Variants in DPP6 observed in about 807,000 individuals in gnomAD.
DPP6 encodes the protein A-type potassium channel modulatory protein DPP6.
DPP6 carries 69 observed loss-of-function variants against 122.6 expected under a neutral mutation model. The ratio of observed to expected loss-of-function variants is 0.56; its 90% CI spans 0.46 to 0.69. The LOEUF (loss-of-function observed/expected upper bound fraction) is 0.69, where lower values mean the gene tolerates loss of function less well. Ranked by LOEUF, DPP6 falls within the 30% of genes least tolerant of loss-of-function variation. The pLI, the probability that DPP6 is intolerant of heterozygous loss-of-function variation, is 0.00. For missense variants in DPP6, 928 were observed against 1,116.9 expected (o/e 0.83, Z 2.41); for synonymous variants, 418 against 433.1 (o/e 0.97, Z 0.43).
intron 21 of DPP6, among the ~76,000 whole-genome samples, chr7:154,882,043 T>C (rs1805434971): frequency 6.6e-6 from 1 of 152,166 alleles, no homozygotes. Flanking sequence ...CCGTGGTCAG[T>C]CTTTTCCAGT....
At position 154,892,989 on chromosome 7, in the gene DPP6, G is replaced by A. The variant is rs1398265597; in HGVS notation, c.*509G>A. On this transcript the variant is annotated 3_prime_UTR_variant, in exon 26 of 26. Coordinates refer to ENST00000377770, the MANE Select transcript of DPP6 (RefSeq NM_130797.4). ...TGGGCTTGCTACTTCCTGTAATGAG[G>A]ACGTTCAACATGGTGAGGGGCTACA... 2.0e-6 allele frequency: 1 copy of A among 512,376 alleles called. No individual in the cohort carries two copies. The highest frequency in any genetic ancestry group is 1.9e-5 in the African/African-American group (1 of 52,018). The allele number at this position is 512,376 out of a possible 1,614,324, so 31.7% of individuals were successfully genotyped here.
At chr7:154,235,884 AC>A (rs1409453063) in intron 1 of DPP6, among the ~76,000 whole-genome samples, 9 of 152,040 alleles carry the variant, frequency 5.9e-5, no homozygotes, top group African/African-American at 2.2e-4. Context: ...ACAAAGTCTC[AC>A]CCTGTTGCCC....
intron 3 of DPP6, among the ~76,000 whole-genome samples, chr7:154,487,099 ATTTG>A (rs1823864094): frequency 6.6e-6 from 1 of 152,010 alleles, no homozygotes; most frequent in African/African-American, 2.4e-5. Flanking sequence ...TTTCAACTTT[ATTTG>A]TTTGCAGTAT....
intron 1 of DPP6, among the ~76,000 whole-genome samples, chr7:153,939,834 G>A (rs1174601664): frequency 6.6e-6 from 1 of 152,186 alleles, no homozygotes; most frequent in Non-Finnish European, 1.5e-5. Context: ...GGAACCAGAT[G>A]GAAGCTACAC....
the DPP6 span, among the ~76,000 whole-genome samples, chr7:153,846,929 C>T: frequency 1.0e-3 from 158 of 152,072 alleles, no homozygotes; most frequent in East Asian, 8.3e-3. Flanking sequence ...CCTCGTGATC[C>T]GCCCGCCTCG....
At chr7:154,646,027 C>CAAAAAAAAAAAAAAAAAA (rs71184020) in intron 6 of DPP6, among the ~76,000 whole-genome samples, 9 of 57,938 alleles carry the variant, frequency 1.6e-4, no homozygotes, top group Non-Finnish European at 1.5e-4. Context: ...GACTCCGTCT[C>CAAAAAAAAAAAAAAAAAA]AAAAAAAAAA....
intron 1 of DPP6, among the ~76,000 whole-genome samples, chr7:154,032,821 T>C (rs1799312492): frequency 6.6e-6 from 1 of 151,744 alleles, no homozygotes; most frequent in Non-Finnish European, 1.5e-5. Flanking sequence ...CCCTCTCTCT[T>C]TAAAATGTGT....
At chr7:154,055,618 A>G (rs2533721) in intron 1 of DPP6, 1 of 152,156 alleles carries the variant, frequency 6.6e-6, no homozygotes, top group South Asian at 2.1e-4. Context: ...GTGTCTTGCA[A>G]CTGCTGACAA....
intron 3 of DPP6, among the ~76,000 whole-genome samples, chr7:154,513,782 T>G (rs55820596): frequency 0.17 from 25,611 of 152,146 alleles, 2,308 homozygotes; most frequent in Non-Finnish European, 0.19. Context: ...AGAGTCATCC[T>G]AGGAACAACT....
chr7:154,189,708 TGA>T (rs1322777634), intron 1 of DPP6, among the ~76,000 whole-genome samples: 1 of 152,218 alleles, frequency 6.6e-6, no homozygotes, highest in Non-Finnish European at 1.5e-5. Context: ...TCTCTGGGGT[TGA>T]GACCAGCGAG....
intron 16 of DPP6, among the ~76,000 whole-genome samples, chr7:154,814,119 G>T (rs1451501310): frequency 2.0e-5 from 3 of 149,968 alleles, no homozygotes; most frequent in Non-Finnish European, 4.4e-5. Flanking sequence ...GACCTCAGGT[G>T]ATCCACCTGC....
Position 154,803,758 on chromosome 7 carries a change from A to G in DPP6, c.1408-106A>G, listed in dbSNP as rs947917288. ...GGCAGAGAGCCCTTCCCACAGAGAGAATGGCAGCCCCTGTCACCTGGTGTC... is the reference window on the plus strand; with the variant it reads ...GGCAGAGAGCCCTTCCCACAGAGAGGATGGCAGCCCCTGTCACCTGGTGTC... On this transcript the variant is annotated intron_variant, in intron 13 of 25. Coordinates refer to ENST00000377770, the MANE Select transcript of DPP6 (RefSeq NM_130797.4). The G allele has an allele frequency of 1.1e-5, 16 of 1,467,492 alleles. No individual in the cohort carries two copies. In the African/African-American group the frequency reaches 2.2e-4, roughly 21 times the overall value. 90.9% of individuals were successfully genotyped at this position (1,467,492 alleles called of 1,614,324 possible).
intron 16 of DPP6, among the ~76,000 whole-genome samples, chr7:154,827,243 A>G (rs1412177220): frequency 2.0e-5 from 3 of 150,718 alleles, no homozygotes; most frequent in Non-Finnish European, 4.4e-5. Context: ...CACCCACTGG[A>G]TTTTGAACAT....
intron 1 of DPP6, among the ~76,000 whole-genome samples, chr7:154,141,996 A>G (rs3115140): frequency 3.3e-5 from 5 of 152,364 alleles, no homozygotes; most frequent in African/African-American, 4.8e-5. Context: ...CTTAAAACCC[A>G]GATGGAGATG....
At chr7:154,663,890 T>C (rs1424491334) in intron 6 of DPP6, among the ~76,000 whole-genome samples, 1 of 104,086 alleles carries the variant, frequency 9.6e-6, no homozygotes, top group African/African-American at 2.8e-5. Context: ...AGTGTTCATA[T>C]AGTCATGGTG....
the DPP6 span, among the ~76,000 whole-genome samples, chr7:153,827,762 A>T: frequency 6.6e-6 from 1 of 152,242 alleles, no homozygotes; most frequent in African/African-American, 2.4e-5. Context: ...TCCCACCAGG[A>T]TGGCATCAGA....
intron 18 of DPP6, among the ~76,000 whole-genome samples, chr7:154,870,164 TCGTAGAGACAGGGTC>T (rs1804270523): frequency 1.5e-5 from 2 of 133,888 alleles, no homozygotes; most frequent in Admixed American, 7.3e-5. Context: ...TTTTTTTTTT[TCGTAGAGACAGGGTC>T]TCACTATGTT....
At chr7:154,281,529 CTGTT>C (rs1414684763) in intron 1 of DPP6, among the ~76,000 whole-genome samples, 1 of 152,174 alleles carries the variant, frequency 6.6e-6, no homozygotes, top group Non-Finnish European at 1.5e-5. Context: ...AACACCACCA[CTGTT>C]TGTTGTAAAT....
chr7:154,646,040 A>AAAAAAAAG (rs1836456625), intron 6 of DPP6, among the ~76,000 whole-genome samples: 1 of 150,460 alleles, frequency 6.6e-6, no homozygotes, highest in African/African-American at 2.4e-5. Flanking sequence ...AAAAAAAAAA[A>AAAAAAAAG]AAAAAGAAAA....
Sources: gnomAD v4.1 joint callset for allele counts (sites outside exome capture counted in the v4.1 genomes callset) on GRCh38, gnomAD v4.1.1 for gene constraint, MANE v1.5 for transcripts, NCBI Gene and HGNC (gene_info 2026-07-23, HGNC 2026-07-21) for gene names.